Variants in AUNIP observed in about 807,000 individuals in gnomAD.
The protein encoded by AUNIP is aurora kinase A- and ninein-interacting protein.
A neutral mutation model predicts 12.2 loss-of-function variants in AUNIP; 16 were observed. The observed-to-expected ratio is 1.31, with a 90% CI of 0.88 to 1.99. AUNIP has a LOEUF of 1.99. Ranked by LOEUF, AUNIP falls within the 30% of genes most tolerant of loss-of-function variation. AUNIP has a pLI of 0.00. For synonymous variants in AUNIP, 142 were observed against 154.8 expected (o/e 0.92, Z 0.61); for missense variants, 411 against 419.1 (o/e 0.98, Z 0.17).
At position 25,847,187 on chromosome 1, in the gene AUNIP, A is replaced by C. The variant is rs2048388704; in HGVS notation, c.79-9633T>G. On this transcript the variant is annotated intron_variant, in intron 1 of 2. Transcript: ENST00000374298. The surrounding 1 kb of genome is among the most constrained non-coding windows in gnomAD (Gnocchi z 4.2). ...ATGTAATCATATGTGAAGATGCAAAAGGGCTTTAAAAGACACTGAGAGCTG... is the reference window on the plus strand; with the variant it reads ...ATGTAATCATATGTGAAGATGCAAACGGGCTTTAAAAGACACTGAGAGCTG... Among the ~76,000 whole-genome samples the C allele has an allele frequency of 3.9e-5, 6 of 152,232 alleles. No homozygotes were observed.
intron 1 of AUNIP, among the ~76,000 whole-genome samples, chr1:25,838,688 G>T: frequency 6.6e-6 from 1 of 152,196 alleles, no homozygotes; most frequent in East Asian, 1.9e-4. Context: ...GGAACTGGAA[G>T]ATAGGCAAGA....
In AUNIP at chr1:25,835,828, T is replaced by C; in HGVS notation, c.239A>G (p.Asp80Gly). 3 of 1,613,436 alleles carry C rather than the reference T, an allele frequency of 1.9e-6. No homozygotes were observed. The highest frequency in any genetic ancestry group is 2.5e-6 in the Non-Finnish European group (3 of 1,179,370). Residue 80 changes from aspartate to glycine, a missense_variant, in exon 3 of 3, where the codon GAC (aspartate) becomes GGC (glycine). Physicochemically the swap from Asp to Gly is moderately conservative, Grantham distance 94. Transcript: ENST00000374298. ...TLQPGKTNGS[D>G]QKSVSSHTES... ...TGTATGAGATGAAACACTCTTCTGG[T>C]CACTGCCATTTGTCTTTCCTAATAA...
chr1:25,833,118 T>C (rs1028425490), downstream of AUNIP, among the ~76,000 whole-genome samples: 4 of 152,076 alleles, frequency 2.6e-5, no homozygotes, highest in Non-Finnish European at 5.9e-5. Flanking sequence ...TGCCCTATAC[T>C]CTTTTTCTTT....
At chr1:25,858,084 G>A (rs1021684307) in intron 1 of AUNIP, among the ~76,000 whole-genome samples, 1 of 152,168 alleles carries the variant, frequency 6.6e-6, no homozygotes, top group Non-Finnish European at 1.5e-5. Context: ...GGAGAATGGC[G>A]TGAACCCCGG....
chr1:25,856,521 CA>C (rs1317610856), intron 1 of AUNIP, among the ~76,000 whole-genome samples: 1 of 150,538 alleles, frequency 6.6e-6, no homozygotes, highest in African/African-American at 2.4e-5. Context: ...ACTAAAAATA[CA>C]AATTCACCTG....
At chr1:25,857,324 C>T (rs183284614) in intron 1 of AUNIP, among the ~76,000 whole-genome samples, 1 of 148,884 alleles carries the variant, frequency 6.7e-6, no homozygotes, top group African/African-American at 2.5e-5. Flanking sequence ...CGGCTCACTG[C>T]AACCTCCACC....
At chr1:25,841,612 C>G (rs2124501287) in intron 1 of AUNIP, among the ~76,000 whole-genome samples, 1 of 152,138 alleles carries the variant, frequency 6.6e-6, no homozygotes, top group Admixed American at 6.5e-5. Flanking sequence ...CAACCTCTGC[C>G]TCCTGGGTTC....
rs1259469697 is a variant in AUNIP, at chr1:25,834,343, C to T, written c.*650G>A. ...AAAAGCTCACACATCTGGCTGGGCG[C>T]GGTGGCTTATGCCTGTAATCTCAGC... On this transcript the variant is annotated 3_prime_UTR_variant, in exon 3 of 3. Coordinates refer to ENST00000374298, the MANE Select transcript of AUNIP (RefSeq NM_024037.3). 7 of 985,082 alleles carry T rather than the reference C, an allele frequency of 7.1e-6. No individual in the cohort carries two copies. Among genetic ancestry groups the T allele is most frequent in the Non-Finnish European group, 8.4e-6 (7 of 829,904 alleles). The allele number at this position is 985,082 out of a possible 1,614,324, so 61.0% of individuals were successfully genotyped here.
intron 2 of AUNIP, among the ~76,000 whole-genome samples, chr1:25,836,424 T>G (rs1171169803): frequency 6.6e-6 from 1 of 152,186 alleles, no homozygotes; most frequent in East Asian, 1.9e-4. Flanking sequence ...GGATGCTAAG[T>G]CAATCAGTAG....
At chr1:25,839,434 C>T (rs6680967) in intron 1 of AUNIP, among the ~76,000 whole-genome samples, 1,917 of 152,290 alleles carry the variant, frequency 0.013, 48 homozygotes, top group African/African-American at 0.044. Context: ...CTGAGCAATT[C>T]CCAGAGCTCA....
intron 1 of AUNIP, 21 bp from the exon 2 acceptor site, chr1:25,837,575 GAAT>G (rs772580768): frequency 1.2e-5 from 20 of 1,605,688 alleles, no homozygotes; most frequent in Admixed American, 5.1e-5. Flanking sequence ...AGAGAAAAAA[GAAT>G]AATGAGCCTA....
At chr1:25,851,290 T>C (rs550061400) in intron 1 of AUNIP, among the ~76,000 whole-genome samples, 51 of 152,360 alleles carry the variant, frequency 3.3e-4, no homozygotes, top group African/African-American at 1.2e-3. Flanking sequence ...TTGAGTATTT[T>C]TGTATCTGTA....
chr1:25,832,069 C>T, downstream of AUNIP: 1 of 1,613,768 alleles, frequency 6.2e-7, no homozygotes, highest in Non-Finnish European at 8.5e-7. Context: ...TCCTGGAATA[C>T]CTTCAATAGC....
Position 25,835,334 on chromosome 1 carries a change from CAG to C in AUNIP, c.731_732del (p.Pro244ArgfsTer23), listed in dbSNP as rs748222284. ...KVSAKENRQA[P>X]VLLQTYRESW... ...GATTCCCTGTATGTTTGAAGGAGGA[CAG>C]GGGCCTGCCTGTTTTCTTTGGCAGA... On this transcript the variant is annotated frameshift_variant, in exon 3 of 3. Transcript: ENST00000374298. LOFTEE classifies it low-confidence loss of function (END_TRUNC). 5.3e-5 allele frequency: 85 copies of C among 1,614,088 alleles called. No individual in the cohort carries two copies. Among genetic ancestry groups the C allele is most frequent in the Non-Finnish European group, 7.0e-5 (83 of 1,180,040 alleles).
chr1:25,835,530 C>G lies in AUNIP; in HGVS notation c.537G>C (p.Leu179Phe). Residue 179 changes from leucine (L) to phenylalanine (F), a missense_variant, in exon 3 of 3, where the codon TTG becomes TTC. By Grantham distance (22) the Leu-to-Phe change is conservative. Coordinates refer to ENST00000374298, the MANE Select transcript of AUNIP (RefSeq NM_024037.3). Reference protein sequence around the residue: ...TPLAFSFTEDLESSCLLDRKE... With the variant: ...TPLAFSFTEDFESSCLLDRKE... ...TTCGGTCTAGCAAACAAGAACTTTC[C>G]AAGTCCTCGGTGAAGGAAAAAGCCA... The G allele has an allele frequency of 6.2e-7, 1 of 1,614,172 alleles. No individual in the cohort carries two copies. Among genetic ancestry groups the G allele is most frequent in the Non-Finnish European group, 8.5e-7 (1 of 1,180,022 alleles).
chr1:25,833,998 A>T (rs1330702653), downstream of AUNIP: 1 of 978,544 alleles, frequency 1.0e-6, no homozygotes, highest in East Asian at 1.1e-4. Context: ...ACCAATTATC[A>T]CAAGAGCCAC....
chr1:25,852,664 T>G (rs1253194626), intron 1 of AUNIP, among the ~76,000 whole-genome samples: 1 of 152,056 alleles, frequency 6.6e-6, no homozygotes, highest in Non-Finnish European at 1.5e-5. Context: ...GGTCTTAAAC[T>G]CCTGACCTCG....
chr1:25,852,448 GTT>G (rs1289092185), intron 1 of AUNIP, among the ~76,000 whole-genome samples: 1 of 134,946 alleles, frequency 7.4e-6, no homozygotes, highest in Non-Finnish European at 1.6e-5. Flanking sequence ...ATTATTTAAG[GTT>G]TTTTTTTTTG....
At chr1:25,859,155 A>G in intron 1 of AUNIP, 125 bp downstream of exon 1, 1 of 1,032,752 alleles carries the variant, frequency 9.7e-7, no homozygotes, top group Non-Finnish European at 1.4e-6. Context: ...TGAATCCCCA[A>G]CGCTGTTCCC....
Sources: gnomAD v4.1 joint callset for allele counts (sites outside exome capture counted in the v4.1 genomes callset) on GRCh38, gnomAD v4.1.1 for gene constraint, Gnocchi (gnomAD v3.1) non-coding constraint, MANE v1.5 for transcripts, NCBI Gene and HGNC (gene_info 2026-07-23, HGNC 2026-07-21) for gene names.